SMARCD3: variants seen among roughly 807,000 people sequenced by gnomAD.
SMARCD3 encodes SWI/SNF-related matrix-associated actin-dependent regulator of chromatin subfamily D member 3.
A neutral mutation model predicts 58.0 loss-of-function variants in SMARCD3; 14 were observed. That is an observed-to-expected ratio of 0.24 (90% CI 0.16 to 0.38). The LOEUF (loss-of-function observed/expected upper bound fraction) is 0.38, where lower values mean the gene tolerates loss of function less well. Among genes scored for constraint, SMARCD3 ranks in the 10% least tolerant of loss-of-function variants. SMARCD3 has a pLI of 1.00. For missense variants in SMARCD3, 408 were observed against 636.9 expected, an observed-to-expected ratio of 0.64 and a Z score of 3.87; for synonymous variants, 253 against 253.8, an observed-to-expected ratio of 1.00 and a Z score of 0.03.
chr7:151,247,665 C>T (rs1408745426), intron 1 of SMARCD3, among the ~76,000 whole-genome samples: 13 of 151,992 alleles, frequency 8.6e-5, no homozygotes, highest in Admixed American at 7.9e-4. Context: ...TCCCAAGAGT[C>T]GCAGCCCCTG....
intron 2 of SMARCD3, among the ~76,000 whole-genome samples, chr7:151,261,858 TCA>T (rs1236983632): frequency 6.6e-6 from 1 of 152,178 alleles, no homozygotes; most frequent in African/African-American, 2.4e-5. Flanking sequence ...AGGTGATCAT[TCA>T]CAGTGGCTAA....
intron 2 of SMARCD3, among the ~76,000 whole-genome samples, chr7:151,271,160 G>A (rs13228980): frequency 0.026 from 4,021 of 152,246 alleles, 94 homozygotes; most frequent in Non-Finnish European, 0.034. Flanking sequence ...CCCTGTGGGA[G>A]GAGGCTTTGT....
rs1168334417 is a variant in SMARCD3, at chr7:151,241,425, A to G, written c.939+67T>C. On this transcript the variant is annotated intron_variant, in intron 8 of 12. Coordinates refer to ENST00000262188, the MANE Select transcript of SMARCD3 (RefSeq NM_001003801.2). The surrounding 1 kb of genome is among the most constrained non-coding windows in gnomAD (Gnocchi z 5.3). ...AGGGAGGGGTGGTAGTTACCTTGGTAGAGGTACTTCCCCTGCTGGAGAACT... is the reference window on the plus strand; with the variant it reads ...AGGGAGGGGTGGTAGTTACCTTGGTGGAGGTACTTCCCCTGCTGGAGAACT... 23 of 1,368,850 alleles carry G rather than the reference A, an allele frequency of 1.7e-5. No homozygotes were observed. The highest frequency in any genetic ancestry group is 2.4e-5 in the Non-Finnish European group (23 of 972,560). The allele number at this position is 1,368,850 out of a possible 1,614,324, so 84.8% of individuals were successfully genotyped here. A position where few individuals can be genotyped will look rare whatever the true frequency, so the allele number is the denominator to read the frequency against.
At chr7:151,269,635 G>A (rs1164566392) in intron 2 of SMARCD3, among the ~76,000 whole-genome samples, 1 of 152,156 alleles carries the variant, frequency 6.6e-6, no homozygotes, top group African/African-American at 2.4e-5. Flanking sequence ...AGTGGCGTAT[G>A]CGGGCAGCAT....
chr7:151,256,803 G>A (rs1324274903), intron 2 of SMARCD3, among the ~76,000 whole-genome samples: 1 of 152,022 alleles, frequency 6.6e-6, no homozygotes, highest in Non-Finnish European at 1.5e-5. Flanking sequence ...AGAACTTCCA[G>A]AGCCTCCCAC....
rs1407751749 is a variant in SMARCD3, at chr7:151,245,183, G to A, written c.290+277C>T. Among the ~76,000 whole-genome samples the A allele has an allele frequency of 7.9e-5, 12 of 151,856 alleles. No homozygotes were observed. The highest frequency in any genetic ancestry group is 7.9e-4 in the Admixed American group (12 of 15,240). ...CCCAGAACCTGATGGGTGGAGAGAA[G>A]GACTGAGCAGGTGACAAGGAGAAGG... On this transcript the variant is annotated intron_variant, in intron 2 of 12. Transcript: ENST00000262188. This position sits in a 1 kb window ranked among gnomAD's most constrained non-coding sequence, Gnocchi z 6.2.
At position 151,259,608 on chromosome 7, in the gene SMARCD3, T is replaced by TG. The variant is rs1222766142; in HGVS notation, c.40-13938_40-13937insC. Among the ~76,000 whole-genome samples, 750 of 109,796 alleles carry TG rather than the reference T, an allele frequency of 6.8e-3. 14 individuals are homozygous for TG. The highest frequency in any genetic ancestry group is 0.026 in the African/African-American group (594 of 23,270). 72.0% of individuals were successfully genotyped at this position (109,796 alleles called of 152,430 possible). ...TGAGGTTACAACCTGAGAGTTTTTT[T>TG]TTTTTTTTTTTTTTTTTTGAGACGG... On this transcript the variant is annotated intron_variant, in intron 2 of 13. Transcript: ENST00000356800.
Position 151,245,838 on chromosome 7 carries a change from CCGGAATCTGCG to C in SMARCD3, c.79-178_79-168del. On this transcript the variant is annotated intron_variant, in intron 1 of 12. Coordinates refer to ENST00000262188, the MANE Select transcript of SMARCD3 (RefSeq NM_001003801.2). The surrounding 1 kb of genome is among the most constrained non-coding windows in gnomAD (Gnocchi z 6.2). ...GCGATGGGTAGGAGGGGCAGGGGCG[CCGGAATCTGCG>C]CGGCTCTGGCGGAGGGGCTTGGCGT... is the stretch of plus-strand genomic sequence containing the variant. The C allele has an allele frequency of 2.6e-6, 1 of 382,996 alleles. No individual in the cohort carries two copies. The highest frequency in any genetic ancestry group is 4.6e-6 in the Non-Finnish European group (1 of 216,184). The allele number at this position is 382,996 out of a possible 1,614,324, so 23.7% of individuals were successfully genotyped here.
Position 151,248,380 on chromosome 7 carries a change from A to C in SMARCD3, c.78+105T>G. ...GCCGTGGGCCATGACGCCCCCCACT[A>C]GAGGGGTGGGAGAGCGGGAGCGCCC... On this transcript the variant is annotated intron_variant, in intron 1 of 12. Coordinates refer to ENST00000262188, the MANE Select transcript of SMARCD3 (RefSeq NM_001003801.2). This position sits in a 1 kb window ranked among gnomAD's most constrained non-coding sequence, Gnocchi z 6.1. 5.1e-6 allele frequency: 5 copies of C among 974,844 alleles called. No homozygotes were observed. Among genetic ancestry groups the C allele is most frequent in the African/African-American group, 1.6e-5 (1 of 62,122 alleles). 60.4% of individuals were successfully genotyped at this position (974,844 alleles called of 1,614,324 possible).
upstream of SMARCD3, among the ~76,000 whole-genome samples, chr7:151,252,129 C>A (rs1196144099): frequency 6.6e-6 from 1 of 152,130 alleles, no homozygotes; most frequent in Non-Finnish European, 1.5e-5. Flanking sequence ...GGGCCCCAGC[C>A]GCAGTCCCGC....
At chr7:151,272,688 T>C (rs753969825) in intron 2 of SMARCD3, among the ~76,000 whole-genome samples, 14 of 152,146 alleles carry the variant, frequency 9.2e-5, no homozygotes, top group Non-Finnish European at 1.6e-4. Flanking sequence ...TATCCCAAAA[T>C]GTGGGCCTGG....
intron 1 of SMARCD3, among the ~76,000 whole-genome samples, chr7:151,275,956 T>C (rs1202947239): frequency 1.3e-5 from 2 of 151,688 alleles, no homozygotes; most frequent in Non-Finnish European, 2.9e-5. Context: ...GGTTAAGCCA[T>C]GTGAGCAAAA....
chr7:151,263,912 C>G (rs1157778728), intron 2 of SMARCD3, among the ~76,000 whole-genome samples: 2 of 152,186 alleles, frequency 1.3e-5, no homozygotes, highest in African/African-American at 2.4e-5. Flanking sequence ...GGTGACTCCA[C>G]CTTGTGGGTG....
intron 2 of SMARCD3, among the ~76,000 whole-genome samples, chr7:151,260,042 C>T (rs1803867207): frequency 6.6e-6 from 1 of 152,184 alleles, no homozygotes; most frequent in African/African-American, 2.4e-5. Flanking sequence ...GCAGGGTCCC[C>T]ATTATAAAGA....
intron 2 of SMARCD3, among the ~76,000 whole-genome samples, chr7:151,268,790 G>A (rs1312311532): frequency 2.0e-5 from 3 of 151,934 alleles, no homozygotes; most frequent in Non-Finnish European, 4.4e-5. Flanking sequence ...TTAATGTAGA[G>A]ATGAGGTCTC....
intron 2 of SMARCD3, among the ~76,000 whole-genome samples, chr7:151,274,720 G>C (rs942505184): frequency 6.6e-6 from 1 of 152,238 alleles, no homozygotes; most frequent in Non-Finnish European, 1.5e-5. Flanking sequence ...CTTCATGTAC[G>C]CAGTGAGAGG....
intron 2 of SMARCD3, among the ~76,000 whole-genome samples, chr7:151,264,359 A>G: frequency 6.6e-6 from 1 of 152,152 alleles, no homozygotes; most frequent in East Asian, 1.9e-4. Context: ...GCACCCGGTC[A>G]AAGTCAGGAT....
Position 151,241,958 on chromosome 7 carries a change from G to C in SMARCD3, c.696C>G (p.Thr232=). ...TCACCTGGAAGCCGTCCGTCTCCTG[G>C]GTCGTGGGTGTCCGATGCCACTGTC... is the stretch of plus-strand genomic sequence containing the variant. ...HLVEWHRTPT[T]QETDGFQVKR... Residue 232 remains threonine (T), a synonymous_variant, in exon 7 of 13, where the codon ACC becomes ACG. Transcript: ENST00000262188. The surrounding 1 kb of genome is among the most constrained non-coding windows in gnomAD (Gnocchi z 5.3). 1 of 1,612,280 alleles carries C rather than the reference G, an allele frequency of 6.2e-7. No individual in the cohort carries two copies.
chr7:151,257,342 T>TC (rs1803733798), intron 2 of SMARCD3, among the ~76,000 whole-genome samples: 1 of 152,216 alleles, frequency 6.6e-6, no homozygotes, highest in Admixed American at 6.5e-5. Context: ...ACTGAAATGC[T>TC]CCTGGCAGGG....
Sources: gnomAD v4.1 joint callset for allele counts (sites outside exome capture counted in the v4.1 genomes callset) on GRCh38, gnomAD v4.1.1 for gene constraint, Gnocchi (gnomAD v3.1) non-coding constraint, MANE v1.5 for transcripts, NCBI Gene and HGNC (gene_info 2026-07-23, HGNC 2026-07-21) for gene names.